Variants in CDH13 observed in about 807,000 individuals in gnomAD.
CDH13 encodes cadherin 13.
In CDH13, 24 loss-of-function variants were observed where a neutral mutation model predicts 63.8. That is an observed-to-expected ratio of 0.38 (90% CI 0.27 to 0.53). CDH13 has a LOEUF of 0.53. Among genes scored for constraint, CDH13 ranks in the 20% least tolerant of loss-of-function variants. CDH13 has a pLI of 0.85. For synonymous variants in CDH13, 503 were observed against 355.3 expected, an observed-to-expected ratio of 1.42 and a Z score of -4.67; for missense variants, 1,049 against 903.1, an observed-to-expected ratio of 1.16 and a Z score of -2.07.
intron 2 of CDH13, among the ~76,000 whole-genome samples, chr16:82,913,745 GT>G (rs1384588772): frequency 6.6e-6 from 1 of 151,958 alleles, no homozygotes; most frequent in African/African-American, 2.4e-5. Context: ...CTCAACAGCC[GT>G]TCCAAGGAAG....
intron 1 of CDH13, among the ~76,000 whole-genome samples, chr16:82,788,082 G>T (rs1364222560): frequency 6.6e-6 from 1 of 152,114 alleles, no homozygotes; most frequent in African/African-American, 2.4e-5. Context: ...CTCTCTGGAG[G>T]CTATAACCAA....
At chr16:83,343,660 A>G (rs1441408569) in intron 5 of CDH13, among the ~76,000 whole-genome samples, 1 of 152,236 alleles carries the variant, frequency 6.6e-6, no homozygotes, top group African/African-American at 2.4e-5. Context: ...TGACAATAGT[A>G]TTGATAATAA....
At chr16:83,428,375 T>G (rs1567665934) in intron 6 of CDH13, among the ~76,000 whole-genome samples, 4 of 152,210 alleles carry the variant, frequency 2.6e-5, no homozygotes, top group Non-Finnish European at 5.9e-5. Context: ...GTTAGATTTT[T>G]TTTTTTTAAC....
At chr16:83,077,693 A>G (rs1329137234) in intron 3 of CDH13, among the ~76,000 whole-genome samples, 1 of 152,222 alleles carries the variant, frequency 6.6e-6, no homozygotes, top group African/African-American at 2.4e-5. Flanking sequence ...AATTCTGTGT[A>G]TAGACCTGTT....
At chr16:83,312,066 CAAAAAAAAAAA>C (rs5818437) in intron 5 of CDH13, among the ~76,000 whole-genome samples, 1 of 94,954 alleles carries the variant, frequency 1.1e-5, no homozygotes. Context: ...AACTCCATCT[CAAAAAAAAAAA>C]AAAAAAAAAG....
At chr16:83,341,989 C>CCCCCCCCACACA (rs767233245) in intron 5 of CDH13, among the ~76,000 whole-genome samples, 1 of 138,072 alleles carries the variant, frequency 7.2e-6, no homozygotes, top group Non-Finnish European at 1.6e-5. Flanking sequence ...GTGTCCCCTG[C>CCCCCCCCACACA]CACACACACA....
intron 6 of CDH13, among the ~76,000 whole-genome samples, chr16:83,473,701 C>T (rs111629995): frequency 1.5e-4 from 23 of 152,272 alleles, no homozygotes; most frequent in African/African-American, 5.3e-4. Context: ...ATTATCCTAC[C>T]TGCAAAATGT....
chr16:83,253,552 A>C (rs1905845866), intron 5 of CDH13, among the ~76,000 whole-genome samples: 1 of 152,130 alleles, frequency 6.6e-6, no homozygotes, highest in Admixed American at 6.5e-5. Context: ...GAGCTGAGGG[A>C]GTTGATGAGC....
At chr16:83,003,752 A>G (rs142241575) in intron 2 of CDH13, among the ~76,000 whole-genome samples, 292 of 152,314 alleles carry the variant, frequency 1.9e-3, no homozygotes, top group African/African-American at 6.8e-3. Flanking sequence ...ATCTGTGACT[A>G]CTCCATTCAA....
intron 7 of CDH13, among the ~76,000 whole-genome samples, chr16:83,570,892 CTGTA>C (rs1383824816): frequency 8.3e-6 from 1 of 120,692 alleles, no homozygotes; most frequent in African/African-American, 2.9e-5. Context: ...ATAAATGAAA[CTGTA>C]TAATTTTTAT....
At chr16:83,432,294 C>G (rs1390930333) in intron 6 of CDH13, among the ~76,000 whole-genome samples, 2 of 152,174 alleles carry the variant, frequency 1.3e-5, no homozygotes, top group East Asian at 3.9e-4. Flanking sequence ...TCAGTAGCTG[C>G]AGTAGCTCCT....
chr16:82,645,621 A>T (rs1211896039), intron 1 of CDH13, among the ~76,000 whole-genome samples: 1 of 152,078 alleles, frequency 6.6e-6, no homozygotes, highest in East Asian at 1.9e-4. Flanking sequence ...CTCTGATCCA[A>T]ATGCATAGCT....
chr16:83,065,578 G>A (rs141910755), intron 3 of CDH13, among the ~76,000 whole-genome samples: 1,563 of 152,094 alleles, frequency 0.01, 34 homozygotes, highest in African/African-American at 0.034. Context: ...GGTGGTGCAC[G>A]CCTGTAATTC....
chr16:83,471,730 A>G (rs2073459009), intron 6 of CDH13, among the ~76,000 whole-genome samples: 1 of 152,132 alleles, frequency 6.6e-6, no homozygotes. Flanking sequence ...CTAAACCACT[A>G]CTACACCATA....
At chr16:82,905,909 T>A (rs1002017472) in intron 2 of CDH13, among the ~76,000 whole-genome samples, 3 of 152,316 alleles carry the variant, frequency 2.0e-5, no homozygotes, top group African/African-American at 7.2e-5. Context: ...GTTTCTCTCC[T>A]TTTTCTCTTT....
chr16:83,352,423 TTAGAA>T (rs1199166238), intron 6 of CDH13, among the ~76,000 whole-genome samples: 4 of 152,100 alleles, frequency 2.6e-5, no homozygotes, highest in Non-Finnish European at 4.4e-5. Flanking sequence ...CTCAAAAAAC[TTAGAA>T]TAGAACTACC....
At chr16:83,626,971 C>A (rs1378109520) in intron 8 of CDH13, among the ~76,000 whole-genome samples, 1 of 152,090 alleles carries the variant, frequency 6.6e-6, no homozygotes, top group Non-Finnish European at 1.5e-5. Flanking sequence ...TTCTCATGCT[C>A]CCTGATGGTC....
chr16:82,992,066 G>C (rs1210306912), intron 2 of CDH13, among the ~76,000 whole-genome samples: 1 of 152,138 alleles, frequency 6.6e-6, no homozygotes, highest in Non-Finnish European at 1.5e-5. Flanking sequence ...AAGAAGAAGA[G>C]TATTTCGTAG....
Position 82,730,602 on chromosome 16 carries a change from T to C in CDH13, c.45+103465T>C, listed in dbSNP as rs1289089409. On this transcript the variant is annotated intron_variant, in intron 1 of 13. Coordinates refer to ENST00000567109, the MANE Select transcript of CDH13 (RefSeq NM_001257.5). Reference sequence around the variant, plus strand: ...CATAATAATTTGAAAGTTTGAAATATTGCAGGAAAGACCAAAATGTGACAC... The same window carrying C: ...CATAATAATTTGAAAGTTTGAAATACTGCAGGAAAGACCAAAATGTGACAC... Among the ~76,000 whole-genome samples the C allele has an allele frequency of 3.3e-5, 5 of 152,190 alleles. 1 individual carries two copies. Among genetic ancestry groups the C allele is most frequent in the Admixed American group, 1.3e-4 (2 of 15,282 alleles).
Sources: allele counts gnomAD v4.1 joint callset (sites outside exome capture counted in the v4.1 genomes callset), GRCh38; gene constraint gnomAD v4.1.1; transcripts MANE v1.5; gene names NCBI Gene and HGNC (gene_info 2026-07-23, HGNC 2026-07-21).